Variants in STON1 observed in about 807,000 individuals in gnomAD.
The protein encoded by STON1 is stonin-1.
Under a neutral mutation model 60.9 loss-of-function variants are expected in STON1, and 79 were observed. The ratio of observed to expected loss-of-function variants is 1.30; its 90% CI spans 1.08 to 1.56. The LOEUF is 1.56. Among genes scored for constraint, STON1 ranks in the 40% most tolerant of loss-of-function variants. The pLI, the probability that STON1 is intolerant of heterozygous loss-of-function variation, is 0.00. For missense variants in STON1, 1,166 were observed against 858.9 expected, an observed-to-expected ratio of 1.36 and a Z score of -4.47; for synonymous variants, 363 against 306.9, an observed-to-expected ratio of 1.18 and a Z score of -1.91.
chr2:48,580,169 A>C (rs767370382), intron 1 of STON1, among the ~76,000 whole-genome samples: 5 of 152,118 alleles, frequency 3.3e-5, no homozygotes, highest in Admixed American at 6.6e-5. Flanking sequence ...CGGCCTCCCA[A>C]AGTGCTGGGA....
chr2:48,559,805 CT>C (rs1337000155), intron 1 of STON1, among the ~76,000 whole-genome samples: 6 of 152,162 alleles, frequency 3.9e-5, no homozygotes, highest in Admixed American at 2.0e-4. Context: ...GGGATGTGGT[CT>C]TTGCTGAATG....
chr2:48,591,583 C>A, intron 2 of STON1, 70 bp from the exon 3 acceptor site: 1 of 1,569,310 alleles, frequency 6.4e-7, no homozygotes, highest in Non-Finnish European at 8.6e-7. Flanking sequence ...AGATGAGTGC[C>A]TTTTATGTTC....
chr2:48,542,079 C>T (rs115689939), intron 1 of STON1, among the ~76,000 whole-genome samples: 2,746 of 152,244 alleles, frequency 0.018, 83 homozygotes, highest in African/African-American at 0.061. Flanking sequence ...GATATGAAGA[C>T]GATGTTCTGT....
chr2:48,569,062 C>T (rs1184779997), intron 1 of STON1: 1 of 152,230 alleles, frequency 6.6e-6, no homozygotes, highest in African/African-American at 2.4e-5. Context: ...CTAGGTTCTA[C>T]ATCTTACTGG....
intron 1 of STON1, among the ~76,000 whole-genome samples, chr2:48,572,049 GCTA>G (rs1326039120): frequency 6.6e-6 from 1 of 152,100 alleles, no homozygotes; most frequent in African/African-American, 2.4e-5. Flanking sequence ...TGTAATCCCA[GCTA>G]CTCGGGAGGC....
At chr2:48,552,549 G>A (rs890820001) in intron 1 of STON1, among the ~76,000 whole-genome samples, 2 of 152,066 alleles carry the variant, frequency 1.3e-5, no homozygotes, top group East Asian at 1.9e-4. Context: ...GGTCTCCTGG[G>A]GTCAGGAGTT....
At chr2:48,564,021 A>G (rs1286131032) in intron 1 of STON1, among the ~76,000 whole-genome samples, 1 of 151,964 alleles carries the variant, frequency 6.6e-6, no homozygotes, top group Non-Finnish European at 1.5e-5. Context: ...CTTAAGGAAA[A>G]CTACCTGTTT....
intron 1 of STON1, among the ~76,000 whole-genome samples, chr2:48,547,531 T>C (rs1406696326): frequency 6.6e-6 from 1 of 152,132 alleles, no homozygotes; most frequent in Non-Finnish European, 1.5e-5. Context: ...CCCATGGTCG[T>C]GCGGGGTCAA....
chr2:48,591,034 A>G (rs930175409), intron 2 of STON1, among the ~76,000 whole-genome samples: 8 of 152,188 alleles, frequency 5.3e-5, no homozygotes, highest in African/African-American at 1.7e-4. Flanking sequence ...AAATGAATAA[A>G]TTAATAATTA....
chr2:48,595,563 A>C lies in STON1; in HGVS notation c.*261A>C. On this transcript the variant is annotated 3_prime_UTR_variant, in exon 4 of 4. Transcript: ENST00000404752. Reference sequence around the variant, plus strand: ...TTGCTTCCTATTGAAACTCAAAGGCACTGTTACTCGTTGTGTGACCCCGCA... The same window carrying C: ...TTGCTTCCTATTGAAACTCAAAGGCCCTGTTACTCGTTGTGTGACCCCGCA... 1 of 425,426 alleles carries C rather than the reference A, an allele frequency of 2.4e-6. No individual in the cohort carries two copies. Among genetic ancestry groups the C allele is most frequent in the South Asian group, 2.6e-5 (1 of 38,118 alleles). 26.4% of individuals were successfully genotyped at this position (425,426 alleles called of 1,614,324 possible). A position where few individuals can be genotyped will look rare whatever the true frequency, so the allele number is the denominator to read the frequency against.
At chr2:48,545,616 T>A (rs550951374) in intron 1 of STON1, among the ~76,000 whole-genome samples, 1 of 152,360 alleles carries the variant, frequency 6.6e-6, no homozygotes, top group East Asian at 1.9e-4. Context: ...GGTTTCCTCA[T>A]CTGCCTGTGC....
In STON1 at chr2:48,596,512, A is replaced by G. The variant is rs1674786618; in HGVS notation, c.*1210A>G. 1 of 152,214 alleles carries G rather than the reference A, an allele frequency of 6.6e-6. No individual in the cohort carries two copies. Among genetic ancestry groups the G allele is most frequent in the African/African-American group, 2.4e-5 (1 of 41,460 alleles). The allele number at this position is 152,214 out of a possible 1,614,324, so 9.4% of individuals were successfully genotyped here. On this transcript the variant is annotated 3_prime_UTR_variant, in exon 4 of 4. Transcript: ENST00000404752. ...GGTATTGTTTTTAGTCTGAAAAACA[A>G]ACTCCCCCATGTGGTATTAATATAC...
chr2:48,563,860 A>T lies in STON1; in HGVS notation c.-47-16727A>T, dbSNP rs560637750. 7.5e-5 allele frequency among the ~76,000 whole-genome samples: 11 copies of T among 146,412 alleles called. No homozygotes were observed. In the Admixed American group the frequency reaches 7.5e-4, roughly 10 times the overall value. On this transcript the variant is annotated intron_variant, in intron 1 of 3. Coordinates refer to ENST00000404752, the MANE Select transcript of STON1 (RefSeq NM_006873.4). ...AGCCACATGCCACCATGCCTGGCGAATTTTTTTTTTTTAACTTTTAATGGA... is the reference window on the plus strand; with the variant it reads ...AGCCACATGCCACCATGCCTGGCGATTTTTTTTTTTTTAACTTTTAATGGA...
At chr2:48,552,877 C>A (rs1311279838) in intron 1 of STON1, among the ~76,000 whole-genome samples, 3 of 152,092 alleles carry the variant, frequency 2.0e-5, no homozygotes, top group Non-Finnish European at 4.4e-5. Flanking sequence ...GGTTGAAAAT[C>A]ACAATTTAAT....
At chr2:48,589,023 G>A (rs1303191321) in intron 2 of STON1, among the ~76,000 whole-genome samples, 1 of 152,200 alleles carries the variant, frequency 6.6e-6, no homozygotes, top group Non-Finnish European at 1.5e-5. Context: ...GAGGATGCTG[G>A]TTAGCCAGAG....
At chr2:48,589,418 T>C (rs1251293999) in intron 2 of STON1, among the ~76,000 whole-genome samples, 1 of 152,238 alleles carries the variant, frequency 6.6e-6, no homozygotes, top group Non-Finnish European at 1.5e-5. Context: ...TATTCATTAA[T>C]TGGTGAATTT....
chr2:48,578,676 C>G lies in STON1; in HGVS notation c.-47-1911C>G, dbSNP rs931911510. On this transcript the variant is annotated intron_variant, in intron 1 of 3. Transcript: ENST00000404752. ...CAATCTCAGCTCACTGCAACCTCCT[C>G]CTCTCAGGTTCAAGCAATTCTCCTG... 2.0e-5 allele frequency among the ~76,000 whole-genome samples: 3 copies of G among 148,456 alleles called. No individual in the cohort carries two copies. In the Admixed American group the frequency reaches 2.0e-4, roughly 10 times the overall value.
chr2:48,548,141 T>C (rs932686338), intron 1 of STON1, among the ~76,000 whole-genome samples: 1 of 152,250 alleles, frequency 6.6e-6, no homozygotes, highest in African/African-American at 2.4e-5. Flanking sequence ...TGCCAGGATG[T>C]GGCTTGGCCA....
At chr2:48,571,740 G>A (rs1473340987) in intron 1 of STON1, among the ~76,000 whole-genome samples, 1 of 152,218 alleles carries the variant, frequency 6.6e-6, no homozygotes, top group African/African-American at 2.4e-5. Context: ...GAAAGAAGGT[G>A]CTGCATGAAA....
Sources: gnomAD v4.1 joint callset for allele counts (sites outside exome capture counted in the v4.1 genomes callset) on GRCh38, gnomAD v4.1.1 for gene constraint, MANE v1.5 for transcripts, NCBI Gene and HGNC (gene_info 2026-07-23, HGNC 2026-07-21) for gene names.